Variants in MICAL3 observed in about 807,000 individuals in gnomAD.
The protein encoded by MICAL3 is [F-actin]-monooxygenase MICAL3.
A neutral mutation model predicts 207.4 loss-of-function variants in MICAL3; 62 were observed. That is an observed-to-expected ratio of 0.30 (90% CI 0.24 to 0.37). The LOEUF (loss-of-function observed/expected upper bound fraction) is 0.37, where lower values mean the gene tolerates loss of function less well. Among genes scored for constraint, MICAL3 ranks in the 10% least tolerant of loss-of-function variants. The pLI, the probability that MICAL3 is intolerant of heterozygous loss-of-function variation, is 1.00. For synonymous variants in MICAL3, 1,077 were observed against 1,069.3 expected (o/e 1.01, Z -0.14); for missense variants, 2,368 against 2,635.6 (o/e 0.90, Z 2.22).
chr22:17,967,871 C>G (rs927078458), intron 1 of MICAL3, among the ~76,000 whole-genome samples: 2 of 3,204 alleles, frequency 6.2e-4, no homozygotes, highest in Admixed American at 7.1e-3. Flanking sequence ...ATGGTGAAAC[C>G]CTGTCTACTA....
chr22:17,990,183 T>C (rs1207964398), intron 1 of MICAL3, among the ~76,000 whole-genome samples: 1 of 152,014 alleles, frequency 6.6e-6, no homozygotes, highest in Non-Finnish European at 1.5e-5. Flanking sequence ...GCTTTCATAT[T>C]GATGAGAAAG....
intron 1 of MICAL3, among the ~76,000 whole-genome samples, chr22:17,960,943 G>A (rs532897990): frequency 3.4e-4 from 52 of 152,250 alleles, no homozygotes; most frequent in African/African-American, 1.1e-3. Context: ...GAGACGGTGC[G>A]GGACCTGGTA....
chr22:17,871,799 C>T, intron 17 of MICAL3, 38 bp downstream of exon 17: 1 of 1,554,772 alleles, frequency 6.4e-7, no homozygotes. Flanking sequence ...TGTCCAAGCA[C>T]AGTTTCTCAG....
chr22:17,903,773 C>CTGA (rs1931510624), intron 3 of MICAL3, among the ~76,000 whole-genome samples: 1 of 152,220 alleles, frequency 6.6e-6, no homozygotes, highest in African/African-American at 2.4e-5. Flanking sequence ...CAGCCAGCGT[C>CTGA]TGATAAATTG....
Position 17,789,785 on chromosome 22 carries a change from C to T in MICAL3, c.*947G>A, listed in dbSNP as rs1014426270. On this transcript the variant is annotated 3_prime_UTR_variant, in exon 32 of 32. Transcript: ENST00000441493. ...GTGATCAGTTCCTCTAGTAAAGATACACAAACGAAGTTACTTCTTTTCAAG... is the reference window on the plus strand; with the variant it reads ...GTGATCAGTTCCTCTAGTAAAGATATACAAACGAAGTTACTTCTTTTCAAG... The T allele has an allele frequency of 6.6e-6, 1 of 152,268 alleles. No homozygotes were observed. Among genetic ancestry groups the T allele is most frequent in the Non-Finnish European group, 1.5e-5 (1 of 68,040 alleles). The allele number at this position is 152,268 out of a possible 1,614,324, so 9.4% of individuals were successfully genotyped here. A position where few individuals can be genotyped will look rare whatever the true frequency, so the allele number is the denominator to read the frequency against.
chr22:17,842,162 A>G (rs1440668839), intron 19 of MICAL3, 145 bp from the exon 20 acceptor site: 2 of 725,108 alleles, frequency 2.8e-6, no homozygotes, highest in Non-Finnish European at 2.3e-6. Context: ...GCCAGAGGCC[A>G]GAGAAGGACC....
In MICAL3 at chr22:17,964,430, T is replaced by C. The variant is rs117094962; in HGVS notation, c.-74-57544A>G. Among the ~76,000 whole-genome samples, 683 of 152,352 alleles carry C rather than the reference T, an allele frequency of 4.5e-3. 4 individuals are homozygous for C. The highest frequency in any genetic ancestry group is 7.1e-3 in the Non-Finnish European group (483 of 68,036). On this transcript the variant is annotated intron_variant, in intron 1 of 31. Transcript: ENST00000441493. ...AGGCCCCAGCGAACAGCCCTGACTC[T>C]TATGTGATGATCTGCTTTTGGGTCC... is the stretch of plus-strand genomic sequence containing the variant.
intron 1 of MICAL3, among the ~76,000 whole-genome samples, chr22:17,988,555 A>G (rs918838209): frequency 6.6e-6 from 1 of 152,218 alleles, no homozygotes; most frequent in African/African-American, 2.4e-5. Flanking sequence ...TCCGAGTTCA[A>G]GTGGTTCTCC....
intron 20 of MICAL3, among the ~76,000 whole-genome samples, chr22:17,832,517 C>T (rs1922911865): frequency 6.6e-6 from 1 of 152,200 alleles, no homozygotes; most frequent in South Asian, 2.1e-4. Context: ...ACAGCCCCAT[C>T]CCTCAGGGTG....
intron 1 of MICAL3, among the ~76,000 whole-genome samples, chr22:17,952,690 C>T (rs914878567): frequency 6.7e-6 from 1 of 149,670 alleles, no homozygotes; most frequent in Non-Finnish European, 1.5e-5. Context: ...GAGAGGTCCA[C>T]ACAGGCGGGG....
chr22:17,880,243 A>G (rs1929295815), intron 16 of MICAL3, among the ~76,000 whole-genome samples: 1 of 152,190 alleles, frequency 6.6e-6, no homozygotes, highest in African/African-American at 2.4e-5. Flanking sequence ...GACACGTGAC[A>G]TGGCCTCTCC....
At chr22:17,800,018 A>G (rs1384831453) in intron 29 of MICAL3, among the ~76,000 whole-genome samples, 2 of 150,088 alleles carry the variant, frequency 1.3e-5, no homozygotes, top group African/African-American at 5.1e-5. Flanking sequence ...AAAGTTCCTA[A>G]GCAAAGCAGA....
Position 17,861,457 on chromosome 22 carries a change from T to C in MICAL3, c.2605+3442A>G. The C allele has an allele frequency of 4.1e-6, 4 of 985,494 alleles. No homozygotes were observed. In the South Asian group the frequency reaches 1.9e-4, roughly 46 times the overall value. The allele number at this position is 985,494 out of a possible 1,614,324, so 61.0% of individuals were successfully genotyped here. A position where few individuals can be genotyped will look rare whatever the true frequency, so the allele number is the denominator to read the frequency against. On this transcript the variant is annotated intron_variant, in intron 19 of 31. Transcript: ENST00000441493. ...TGATGAGCACTCGGGGAAAAAGCTC[T>C]TCTGTTCCTTTCCGGCTATGCCTTC...
intron 1 of MICAL3, among the ~76,000 whole-genome samples, chr22:17,969,724 T>C (rs923276724): frequency 7.2e-5 from 11 of 152,224 alleles, no homozygotes; most frequent in Admixed American, 3.9e-4. Flanking sequence ...AGAATCATTT[T>C]TGAGAAGCAG....
At chr22:17,845,047 T>G (rs1017581628) in intron 19 of MICAL3, among the ~76,000 whole-genome samples, 9 of 152,218 alleles carry the variant, frequency 5.9e-5, no homozygotes, top group African/African-American at 2.4e-5. Context: ...TGGCGCCATT[T>G]GATTCTTTCC....
In MICAL3 at chr22:17,817,942, C is replaced by T. The variant is rs1921175613; in HGVS notation, c.4719G>A (p.Gly1573=). Residue 1573 remains glycine, a synonymous_variant, in exon 26 of 32, where the codon GGG becomes GGA. Transcript: ENST00000441493. The stretch of plus-strand genomic sequence containing the variant: ...GCCCCCTCTTCTGTGGCTGCAGCGT[C>T]CCCTCCAGAGCAGGCAGCCTCCCGT... The part of the protein sequence containing the change: ...KENGRLPALE[G]TLQPQKRGLP... 7 of 1,612,468 alleles carry T rather than the reference C, an allele frequency of 4.3e-6. No individual in the cohort carries two copies. Among genetic ancestry groups the T allele is most frequent in the Non-Finnish European group, 5.9e-6 (7 of 1,179,778 alleles).
intron 1 of MICAL3, among the ~76,000 whole-genome samples, chr22:17,937,110 G>GAAGTC (rs1933573849): frequency 6.6e-6 from 1 of 152,238 alleles, no homozygotes; most frequent in African/African-American, 2.4e-5. Context: ...TACAGAAACA[G>GAAGTC]AAGTCAAGAG....
At chr22:17,922,221 T>C (rs1461671970) in intron 1 of MICAL3, among the ~76,000 whole-genome samples, 1 of 152,072 alleles carries the variant, frequency 6.6e-6, no homozygotes, top group East Asian at 1.9e-4. Flanking sequence ...CCCGTTTGTG[T>C]TTGGGTCTGG....
intron 19 of MICAL3, among the ~76,000 whole-genome samples, chr22:17,849,688 ATTTTTTTTTTTTT>A (rs57344653): frequency 2.8e-5 from 1 of 36,280 alleles, no homozygotes; most frequent in Non-Finnish European, 4.9e-5. Context: ...GTGTGTGTGT[ATTTTTTTTTTTTT>A]TTTTTTTTTT....
Sources: gnomAD v4.1 joint callset for allele counts (sites outside exome capture counted in the v4.1 genomes callset) on GRCh38, gnomAD v4.1.1 for gene constraint, MANE v1.5 for transcripts, NCBI Gene and HGNC (gene_info 2026-07-23, HGNC 2026-07-21) for gene names.